The following CACNG6 variants were observed in gnomAD, a reference collection of about 807,000 sequenced individuals.
CACNG6 encodes voltage-dependent calcium channel gamma-6 subunit.
A neutral mutation model predicts 23.9 loss-of-function variants in CACNG6; 21 were observed. That is an observed-to-expected ratio of 0.88 (90% CI 0.62 to 1.26). CACNG6 has a LOEUF of 1.26. Ranked by LOEUF, CACNG6 falls within the 50% of genes most tolerant of loss-of-function variation. The pLI is 0.00. For missense variants in CACNG6, 340 were observed against 352.9 expected, an observed-to-expected ratio of 0.96 and a Z score of 0.29; for synonymous variants, 182 against 168.9, an observed-to-expected ratio of 1.08 and a Z score of -0.60.
intron 2 of CACNG6, 107 bp downstream of exon 2, chr19:53,998,420 T>G: frequency 1.1e-6 from 1 of 951,630 alleles, no homozygotes; most frequent in South Asian, 1.5e-5. Context: ...CCAGGGCAGG[T>G]CTCGTGTCTA....
intron 1 of CACNG6, among the ~76,000 whole-genome samples, chr19:53,996,412 A>G (rs1377090436): frequency 9.0e-6 from 1 of 111,042 alleles, no homozygotes; most frequent in African/African-American, 3.5e-5. Flanking sequence ...TTTTTTTTTG[A>G]GATGTAGTCT....
intron 1 of CACNG6, among the ~76,000 whole-genome samples, chr19:53,996,914 G>T (rs1285276145): frequency 2.2e-5 from 3 of 139,144 alleles, no homozygotes; most frequent in African/African-American, 8.5e-5. Context: ...TATCACCCAG[G>T]CTGGAGTGCA....
At position 53,992,828 on chromosome 19, in the gene CACNG6, C is replaced by G. The variant is rs771779216; in HGVS notation, c.-50C>G. On this transcript the variant is annotated 5_prime_UTR_variant, in exon 1 of 4. Transcript: ENST00000252729. This position sits in a 1 kb window ranked among gnomAD's most constrained non-coding sequence, Gnocchi z 4.1. ...CGCTCCTCGCTCCCGCCCCTCGAGG[C>G]CCTTCGCCGGCTCTGCCTCCTCCCC... 7.7e-7 allele frequency: 1 copy of G among 1,294,444 alleles called. No individual in the cohort carries two copies. The highest frequency in any genetic ancestry group is 1.0e-6 in the Non-Finnish European group (1 of 993,220). The allele number at this position is 1,294,444 out of a possible 1,614,324, so 80.2% of individuals were successfully genotyped here. A position where few individuals can be genotyped will look rare whatever the true frequency, so the allele number is the denominator to read the frequency against.
chr19:53,999,467 A>C (rs190049885), intron 2 of CACNG6, among the ~76,000 whole-genome samples, 167 bp from the exon 3 acceptor site: 104 of 152,278 alleles, frequency 6.8e-4, no homozygotes, highest in African/African-American at 2.2e-3. Context: ...TCTGAGTCTT[A>C]ATTCCTTCAA....
intron 1 of CACNG6, among the ~76,000 whole-genome samples, chr19:53,994,447 C>T (rs7248452): frequency 0.025 from 3,781 of 152,216 alleles, 168 homozygotes; most frequent in African/African-American, 0.088. Flanking sequence ...ACCTCCCTGA[C>T]ACGCCACGCC....
intron 3 of CACNG6, among the ~76,000 whole-genome samples, chr19:54,006,851 GTTATTTTATTTTATT>G (rs892464363): frequency 0.011 from 1,426 of 135,034 alleles, 24 homozygotes; most frequent in African/African-American, 0.038. Flanking sequence ...TTTTTATTTT[GTTATTTTATTTTATT>G]TTATTTTATT....
At chr19:53,993,254 G>A (rs757812146) in intron 1 of CACNG6, 46 bp downstream of exon 1, 1 of 1,492,956 alleles carries the variant, frequency 6.7e-7, no homozygotes. Context: ...CCCACGGACA[G>A]GGAGGGAGAG....
At chr19:53,991,476 C>G (rs112708899), upstream of CACNG6, among the ~76,000 whole-genome samples, 478 of 152,224 alleles carry the variant, frequency 3.1e-3, 3 homozygotes, top group African/African-American at 8.7e-3. Context: ...CTCCCTCCCC[C>G]CTTCCTCGTC....
Position 53,993,097 on chromosome 19 carries a change from G to T in CACNG6, c.220G>T (p.Ala74Ser), listed in dbSNP as rs1310006128. 5.8e-6 allele frequency: 9 copies of T among 1,546,248 alleles called. No individual in the cohort carries two copies. The highest frequency in any genetic ancestry group is 7.9e-6 in the Non-Finnish European group (9 of 1,145,090). Residue 74 changes from alanine (A) to serine (S), a missense_variant, in exon 1 of 4, where the codon GCC (alanine) becomes TCC (serine). Physicochemically the swap from Ala to Ser is moderately conservative, Grantham distance 99 (BLOSUM62 1). Coordinates refer to ENST00000252729, the MANE Select transcript of CACNG6 (RefSeq NM_145814.2). Reference protein sequence around the residue: ...ELNTYKANGSAVCEAAHLGLW... With the variant: ...ELNTYKANGSSVCEAAHLGLW... ...CAACACCTACAAGGCCAACGGCAGC[G>T]CCGTGTGCGAAGCGGCCCACCTGGG...
chr19:53,995,677 T>C (rs745348583), intron 1 of CACNG6, among the ~76,000 whole-genome samples: 2 of 152,216 alleles, frequency 1.3e-5, no homozygotes, highest in Non-Finnish European at 2.9e-5. Flanking sequence ...CTCTTTTTCT[T>C]TGAAATGGAG....
Position 53,991,917 on chromosome 19 carries a change from C to G in CACNG6, c.-961C>G, listed in dbSNP as rs1197239799. Among the ~76,000 whole-genome samples the G allele has an allele frequency of 5.3e-5, 8 of 152,234 alleles. No individual in the cohort carries two copies. In the South Asian group the frequency reaches 1.0e-3, roughly 20 times the overall value. Reference sequence around the variant, plus strand: ...CTGGGGGGACTCAGTCCTGGTTTTCCGAGCCGCAGTGCGGACCACAGCCCC... The same window carrying G: ...CTGGGGGGACTCAGTCCTGGTTTTCGGAGCCGCAGTGCGGACCACAGCCCC... On this transcript the variant is annotated 5_prime_UTR_variant, in exon 1 of 4. Coordinates refer to ENST00000252729, the MANE Select transcript of CACNG6 (RefSeq NM_145814.2).
chr19:53,993,717 A>C (rs1600052224), intron 1 of CACNG6, among the ~76,000 whole-genome samples: 1 of 137,890 alleles, frequency 7.3e-6, no homozygotes, highest in Non-Finnish European at 1.5e-5. Context: ...ACTAACATGC[A>C]CCCCTAGACC....
chr19:54,002,280 T>TTTG (rs2069586168), intron 3 of CACNG6, among the ~76,000 whole-genome samples: 1 of 135,126 alleles, frequency 7.4e-6, no homozygotes, highest in African/African-American at 3.4e-5. Flanking sequence ...TTTTTGTTTT[T>TTTG]TTTGTTTTTT....
At chr19:54,002,413 C>G (rs1015460778) in intron 3 of CACNG6, among the ~76,000 whole-genome samples, 4 of 151,074 alleles carry the variant, frequency 2.6e-5, no homozygotes, top group Non-Finnish European at 5.9e-5. Flanking sequence ...GCCACCAAGC[C>G]CGGCCCCTCT....
At chr19:54,002,186 C>A (rs2069582542) in intron 3 of CACNG6, among the ~76,000 whole-genome samples, 1 of 151,782 alleles carries the variant, frequency 6.6e-6, no homozygotes, top group South Asian at 2.1e-4. Context: ...TTCCAAGGCT[C>A]AAGTGATTGT....
intron 3 of CACNG6, among the ~76,000 whole-genome samples, chr19:54,002,359 C>G (rs1052778499): frequency 2.1e-5 from 3 of 142,074 alleles, no homozygotes; most frequent in Admixed American, 7.4e-5. Flanking sequence ...CTCAAGTGAT[C>G]CGCCCACCTC....
chr19:53,998,831 A>T (rs1669074901), intron 2 of CACNG6, among the ~76,000 whole-genome samples: 1 of 150,572 alleles, frequency 6.6e-6, no homozygotes, highest in African/African-American at 2.5e-5. Flanking sequence ...CTCTTACCCC[A>T]TCTCTGCCTA....
Position 53,998,241 on chromosome 19 carries a change from G to T in CACNG6, c.334G>T (p.Ala112Ser). 1 of 1,613,902 alleles carries T rather than the reference G, an allele frequency of 6.2e-7. No homozygotes were observed. Among genetic ancestry groups the T allele is most frequent in the South Asian group, 1.1e-5 (1 of 91,082 alleles). Residue 112 changes from alanine (A) to serine (S), a missense_variant and splice_region_variant, in exon 2 of 4, where the codon GCA becomes TCA. By Grantham distance (99) the Ala-to-Ser change is moderately conservative. Coordinates refer to ENST00000252729, the MANE Select transcript of CACNG6 (RefSeq NM_145814.2). ...TCGPAELPGEANCTYFKFFTT... is the reference protein window; with the variant it reads ...TCGPAELPGESNCTYFKFFTT... Reference sequence around the variant, plus strand: ...TTTTCTCTCTCCTGCTCCCACAGAAGCAAACTGCACCTATTTTAAATTCTT... The same window carrying T: ...TTTTCTCTCTCCTGCTCCCACAGAATCAAACTGCACCTATTTTAAATTCTT...
At chr19:54,005,211 A>AAATAAATG (rs1348154878) in intron 3 of CACNG6, among the ~76,000 whole-genome samples, 718 of 10,342 alleles carry the variant, frequency 0.069, 4 homozygotes, top group Admixed American at 0.082. Flanking sequence ...TCCATCTCAA[A>AAATAAATG]AATAAATAAA....
Sources: allele counts gnomAD v4.1 joint callset (sites outside exome capture counted in the v4.1 genomes callset), GRCh38; gene constraint gnomAD v4.1.1; non-coding constraint Gnocchi (gnomAD v3.1); transcripts MANE v1.5; gene names NCBI Gene and HGNC (gene_info 2026-07-23, HGNC 2026-07-21).